The following ATE1 variants were observed in gnomAD, a reference collection of about 807,000 sequenced individuals.
The protein encoded by ATE1 is arginyl-tRNA--protein transferase 1.
A neutral mutation model predicts 70.5 loss-of-function variants in ATE1; 36 were observed. The ratio of observed to expected loss-of-function variants is 0.51; its 90% CI spans 0.39 to 0.67. The LOEUF (loss-of-function observed/expected upper bound fraction) is 0.67. Ranked by LOEUF, ATE1 falls within the 30% of genes least tolerant of loss-of-function variation. ATE1 has a pLI of 0.00. For synonymous variants in ATE1, 232 were observed against 219.3 expected (o/e 1.06, Z -0.51); for missense variants, 593 against 629.5 (o/e 0.94, Z 0.62).
intron 10 of ATE1, among the ~76,000 whole-genome samples, chr10:121,826,795 A>G (rs554534312): frequency 3.9e-5 from 6 of 152,144 alleles, no homozygotes; most frequent in African/African-American, 9.6e-5. Context: ...GTAGTCCCCA[A>G]TGTCTACTGT....
chr10:121,908,037 A>T (rs1216574653), intron 5 of ATE1, among the ~76,000 whole-genome samples: 1 of 152,180 alleles, frequency 6.6e-6, no homozygotes, highest in African/African-American at 2.4e-5. Context: ...AAAGACTACC[A>T]GGATTATGTC....
intron 11 of ATE1, among the ~76,000 whole-genome samples, chr10:121,782,891 G>A (rs185727191): frequency 1.7e-3 from 260 of 152,168 alleles, no homozygotes; most frequent in Non-Finnish European, 3.3e-3. Context: ...CTCGAACATC[G>A]GACTCTCAGT....
intron 10 of ATE1, among the ~76,000 whole-genome samples, chr10:121,806,404 A>G (rs1947097303): frequency 6.6e-6 from 1 of 152,104 alleles, no homozygotes; most frequent in Admixed American, 6.6e-5. Context: ...AGTTAGCTGT[A>G]TTCACACCAC....
intron 7 of ATE1, among the ~76,000 whole-genome samples, chr10:121,886,236 A>G (rs970399297): frequency 2.6e-5 from 4 of 151,992 alleles, no homozygotes; most frequent in Non-Finnish European, 5.9e-5. Flanking sequence ...TGGGCAACAT[A>G]GCAAGATCCT....
chr10:121,824,671 A>G (rs929125460), intron 10 of ATE1, among the ~76,000 whole-genome samples: 2 of 152,144 alleles, frequency 1.3e-5, no homozygotes, highest in Non-Finnish European at 2.9e-5. Flanking sequence ...ATGATACCAA[A>G]CAGACCGCCT....
intron 11 of ATE1, among the ~76,000 whole-genome samples, chr10:121,760,398 G>A (rs1944989736): frequency 6.6e-6 from 1 of 152,208 alleles, no homozygotes; most frequent in South Asian, 2.1e-4. Context: ...TTCATGGGAG[G>A]AAGTCAAACT....
At chr10:121,756,751 G>A (rs546731119) in intron 11 of ATE1, among the ~76,000 whole-genome samples, 8 of 152,236 alleles carry the variant, frequency 5.3e-5, no homozygotes, top group African/African-American at 1.9e-4. Flanking sequence ...AGGACACCAA[G>A]TCCCTAGGCT....
rs1952107540 is a variant in ATE1 at position 121,926,722 on chromosome 10, AG to A, written c.106+1121del. On this transcript the variant is annotated intron_variant, in intron 1 of 11. Coordinates refer to ENST00000224652, the MANE Select transcript of ATE1 (RefSeq NM_001001976.3). ...GAAGGTAGAAATCCACAATACTCTA[AG>A]GCCATATTACCACTGTCACGATTTG... The A allele has an allele frequency of 1.0e-5, 10 of 985,306 alleles. No individual in the cohort carries two copies. The South Asian group carries it at 4.7e-4, about 46-fold the overall frequency. The allele number at this position is 985,306 out of a possible 1,614,324, so 61.0% of individuals were successfully genotyped here. A position where few individuals can be genotyped will look rare whatever the true frequency, so the allele number is the denominator to read the frequency against.
chr10:121,809,307 TAAA>T (rs112142875), intron 10 of ATE1, among the ~76,000 whole-genome samples: 1 of 143,996 alleles, frequency 6.9e-6, no homozygotes, highest in Admixed American at 7.0e-5. Flanking sequence ...TTTTTTCAAG[TAAA>T]AAAAAAAAAG....
intron 3 of ATE1, among the ~76,000 whole-genome samples, chr10:121,917,918 G>A (rs937494630): frequency 6.6e-6 from 1 of 152,162 alleles, no homozygotes; most frequent in Non-Finnish European, 1.5e-5. Context: ...AGTCCCTACT[G>A]ACTAACAAGA....
intron 8 of ATE1, among the ~76,000 whole-genome samples, chr10:121,854,836 C>T (rs917455253): frequency 6.6e-6 from 1 of 152,168 alleles, no homozygotes; most frequent in African/African-American, 2.4e-5. Context: ...AGGCCCAATA[C>T]AGAAGCCTTT....
intron 10 of ATE1, among the ~76,000 whole-genome samples, chr10:121,828,448 C>G (rs1948111242): frequency 6.6e-6 from 1 of 152,190 alleles, no homozygotes. Context: ...GTGCATTCAG[C>G]TTGAGTGGAG....
intron 7 of ATE1, among the ~76,000 whole-genome samples, chr10:121,889,787 T>G (rs915465147): frequency 5.9e-5 from 9 of 151,998 alleles, no homozygotes; most frequent in African/African-American, 9.7e-5. Flanking sequence ...TACTCCAGCC[T>G]GGGTGACCGA....
intron 4 of ATE1, among the ~76,000 whole-genome samples, chr10:121,911,430 T>G (rs552516067): frequency 3.3e-4 from 48 of 144,470 alleles, no homozygotes; most frequent in Non-Finnish European, 5.9e-4. Flanking sequence ...AGACACTATC[T>G]CTACAGTAAA....
At chr10:121,823,362 A>G (rs1947877887) in intron 10 of ATE1, among the ~76,000 whole-genome samples, 1 of 152,220 alleles carries the variant, frequency 6.6e-6, no homozygotes, top group Non-Finnish European at 1.5e-5. Context: ...GATTACCTCC[A>G]GCTTTAGAAT....
chr10:121,853,969 T>C (rs1402158039), intron 8 of ATE1, among the ~76,000 whole-genome samples: 1 of 152,188 alleles, frequency 6.6e-6, no homozygotes, highest in African/African-American at 2.4e-5. Flanking sequence ...GCAGAGCATG[T>C]ATAACATAAT....
chr10:121,879,721 A>G (rs547309690), intron 7 of ATE1, among the ~76,000 whole-genome samples: 16 of 152,334 alleles, frequency 1.1e-4, no homozygotes, highest in African/African-American at 3.8e-4. Context: ...TCATCAGGTC[A>G]CGGTGAGATT....
intron 11 of ATE1, among the ~76,000 whole-genome samples, chr10:121,746,561 T>G (rs1281747768): frequency 6.6e-6 from 1 of 152,218 alleles, no homozygotes; most frequent in African/African-American, 2.4e-5. Context: ...CGGGACTGTT[T>G]TAGGAGATTT....
At chr10:121,850,899 G>A (rs1004966991) in intron 8 of ATE1, among the ~76,000 whole-genome samples, 1 of 151,832 alleles carries the variant, frequency 6.6e-6, no homozygotes, top group African/African-American at 2.4e-5. Flanking sequence ...ACACCATCCT[G>A]GCTAACACAG....
Sources: allele counts gnomAD v4.1 joint callset (sites outside exome capture counted in the v4.1 genomes callset), GRCh38; gene constraint gnomAD v4.1.1; transcripts MANE v1.5; gene names NCBI Gene and HGNC (gene_info 2026-07-23, HGNC 2026-07-21).